Variants in FRZB observed in about 807,000 individuals in gnomAD.
FRZB encodes the protein frizzled related protein, also known as secreted frizzled-related protein 3.
FRZB carries 34 observed loss-of-function variants against 32.5 expected under a neutral mutation model. The observed-to-expected ratio is 1.05, with a 90% CI of 0.80 to 1.39. The LOEUF (loss-of-function observed/expected upper bound fraction) is 1.39, where lower values mean the gene tolerates loss of function less well. Among genes scored for constraint, FRZB ranks in the 40% most tolerant of loss-of-function variants. The pLI is 0.00. For synonymous variants in FRZB, 170 were observed against 159.2 expected, an observed-to-expected ratio of 1.07 and a Z score of -0.51; for missense variants, 423 against 424.8, an observed-to-expected ratio of 1.00 and a Z score of 0.04.
intron 1 of FRZB, among the ~76,000 whole-genome samples, chr2:182,862,975 G>T (rs1300449380): frequency 6.6e-6 from 1 of 151,966 alleles, no homozygotes; most frequent in East Asian, 1.9e-4. Flanking sequence ...TCACCATGTT[G>T]GCCAAGCTGG....
chr2:182,842,678 T>C, intron 2 of FRZB, 135 bp from the exon 3 acceptor site: 1 of 624,578 alleles, frequency 1.6e-6, no homozygotes, highest in Non-Finnish European at 2.9e-6. Context: ...TGTGTCTGAA[T>C]TTTTTCTCCT....
At chr2:182,851,916 G>A (rs1014214652) in intron 2 of FRZB, among the ~76,000 whole-genome samples, 3 of 152,110 alleles carry the variant, frequency 2.0e-5, no homozygotes, top group Non-Finnish European at 4.4e-5. Flanking sequence ...TGAGGGACAA[G>A]CAGAGAAGAA....
chr2:182,851,350 G>A (rs979949844), intron 2 of FRZB, among the ~76,000 whole-genome samples: 1 of 152,158 alleles, frequency 6.6e-6, no homozygotes, highest in Non-Finnish European at 1.5e-5. Context: ...AAAAGAGAAA[G>A]TTTTAATTAA....
intron 1 of FRZB, among the ~76,000 whole-genome samples, chr2:182,861,527 C>A (rs1695831480): frequency 6.6e-6 from 1 of 152,234 alleles, no homozygotes; most frequent in African/African-American, 2.4e-5. Context: ...TCAGTAACTT[C>A]ATATTACTAT....
At chr2:182,863,213 C>T (rs369568230) in intron 1 of FRZB, among the ~76,000 whole-genome samples, 7,879 of 152,182 alleles carry the variant, frequency 0.052, 257 homozygotes, top group Non-Finnish European at 0.075. Context: ...CTGGTCTGCC[C>T]CACTCCAAGC....
In FRZB at chr2:182,866,068, A is replaced by G. The variant is rs899880960; in HGVS notation, c.478+7T>C. On this transcript the variant is annotated splice_region_variant and intron_variant, in intron 1 of 5. Transcript: ENST00000295113. The surrounding 1 kb of genome is among the most constrained non-coding windows in gnomAD (Gnocchi z 4.5). ...GTAAGGGAAGGGTGGGCCGTGTCAA[A>G]ACTCACCAGCTCCGTCCGCAGTAAC... 1 of 1,600,194 alleles carries G rather than the reference A, an allele frequency of 6.2e-7. No homozygotes were observed. Among genetic ancestry groups the G allele is most frequent in the African/African-American group, 1.3e-5 (1 of 74,714 alleles).
At chr2:182,844,965 C>T (rs1695624377) in intron 2 of FRZB, among the ~76,000 whole-genome samples, 1 of 152,094 alleles carries the variant, frequency 6.6e-6, no homozygotes, top group Non-Finnish European at 1.5e-5. Context: ...CAATCCCTAG[C>T]TCTTGCCATA....
chr2:182,848,617 G>GAAC (rs3029493), intron 2 of FRZB, among the ~76,000 whole-genome samples: 18 of 151,870 alleles, frequency 1.2e-4, no homozygotes, highest in East Asian at 3.9e-4. Context: ...GGAAGAAAAC[G>GAAC]AACAACAACA....
rs1433993943 is a variant in FRZB at position 182,833,709 on chromosome 2, G to A, written c.*1140C>T. On this transcript the variant is annotated 3_prime_UTR_variant, in exon 6 of 6. Transcript: ENST00000295113. ...CTGACAACCATAATTCATTTTACTAGACATTTTTCGCTGAGCATTAAGCAG... is the reference window on the plus strand; with the variant it reads ...CTGACAACCATAATTCATTTTACTAAACATTTTTCGCTGAGCATTAAGCAG... The A allele has an allele frequency of 6.6e-6, 1 of 152,052 alleles. No individual in the cohort carries two copies. The highest frequency in any genetic ancestry group is 2.4e-5 in the African/African-American group (1 of 41,414). 9.4% of individuals were successfully genotyped at this position (152,052 alleles called of 1,614,324 possible). A position where few individuals can be genotyped will look rare whatever the true frequency, so the allele number is the denominator to read the frequency against.
At chr2:182,847,669 C>A (rs369614098) in intron 2 of FRZB, among the ~76,000 whole-genome samples, 7 of 152,116 alleles carry the variant, frequency 4.6e-5, no homozygotes, top group African/African-American at 1.7e-4. Flanking sequence ...TGGCTTTTAC[C>A]TTCTCATTGA....
chr2:182,847,224 C>A (rs1204799063), intron 2 of FRZB, among the ~76,000 whole-genome samples: 1 of 152,110 alleles, frequency 6.6e-6, no homozygotes, highest in Non-Finnish European at 1.5e-5. Context: ...AACTTAATGA[C>A]CTAAACTAGT....
At position 182,866,536 on chromosome 2, in the gene FRZB, G is replaced by T; in HGVS notation, c.17C>A (p.Pro6Gln). Residue 6 changes from proline to glutamine, a missense_variant, in exon 1 of 6, where the codon CCG becomes CAG. Physicochemically the swap from Pro to Gln is moderately conservative, Grantham distance 76 (BLOSUM62 -1). Coordinates refer to ENST00000295113, the MANE Select transcript of FRZB (RefSeq NM_001463.4). This position sits in a 1 kb window ranked among gnomAD's most constrained non-coding sequence, Gnocchi z 4.5. MVCGS[P>Q]GGMLLLRAGL... ...GGCCCGCAGCAGCAGCATCCCTCCCGGGCTGCCGCAGACCATGATCCCGGC... is the reference window on the plus strand; with the variant it reads ...GGCCCGCAGCAGCAGCATCCCTCCCTGGCTGCCGCAGACCATGATCCCGGC... 3 of 1,465,308 alleles carry T rather than the reference G, an allele frequency of 2.0e-6. No individual in the cohort carries two copies. Among genetic ancestry groups the T allele is most frequent in the Non-Finnish European group, 2.7e-6 (3 of 1,110,574 alleles). The allele number at this position is 1,465,308 out of a possible 1,614,324, so 90.8% of individuals were successfully genotyped here. A position where few individuals can be genotyped will look rare whatever the true frequency, so the allele number is the denominator to read the frequency against.
chr2:182,851,215 T>C (rs968274748), intron 2 of FRZB, among the ~76,000 whole-genome samples: 3 of 152,224 alleles, frequency 2.0e-5, no homozygotes, highest in Non-Finnish European at 2.9e-5. Context: ...GTGCAGAAGC[T>C]TTTTGGCAGG....
intron 1 of FRZB, 35 bp from the exon 2 acceptor site, chr2:182,858,868 T>C: frequency 6.6e-7 from 1 of 1,525,394 alleles, no homozygotes; most frequent in Non-Finnish European, 9.1e-7. Flanking sequence ...AACTATAACA[T>C]ATCTATTTCA....
intron 5 of FRZB, among the ~76,000 whole-genome samples, chr2:182,837,145 C>A (rs1286864775): frequency 1.7e-5 from 2 of 117,896 alleles, no homozygotes; most frequent in African/African-American, 3.2e-5. Context: ...CCATTCTTTT[C>A]TTTAAAACAG....
chr2:182,836,099 A>G (rs1695522143), intron 5 of FRZB, among the ~76,000 whole-genome samples: 2 of 152,234 alleles, frequency 1.3e-5, no homozygotes, highest in South Asian at 4.1e-4. Flanking sequence ...TCTTGTCTTC[A>G]TATTTTAAAA....
chr2:182,854,553 G>A (rs1267497992), intron 2 of FRZB, among the ~76,000 whole-genome samples: 1 of 152,196 alleles, frequency 6.6e-6, no homozygotes, highest in Non-Finnish European at 1.5e-5. Context: ...AACTCAAGAA[G>A]TGGAAAGGAT....
chr2:182,845,186 T>A (rs1438364492), intron 2 of FRZB, among the ~76,000 whole-genome samples: 2 of 152,162 alleles, frequency 1.3e-5, no homozygotes, highest in Non-Finnish European at 1.5e-5. Context: ...TTTACACACA[T>A]CAACGTACAC....
At chr2:182,864,768 G>A (rs1332272022) in intron 1 of FRZB, among the ~76,000 whole-genome samples, 3 of 152,106 alleles carry the variant, frequency 2.0e-5, no homozygotes, top group Non-Finnish European at 4.4e-5. Context: ...ATGGACTGGG[G>A]ACATGCGCCT....
Sources: gnomAD v4.1 joint callset for allele counts (sites outside exome capture counted in the v4.1 genomes callset) on GRCh38, gnomAD v4.1.1 for gene constraint, Gnocchi (gnomAD v3.1) non-coding constraint, MANE v1.5 for transcripts, NCBI Gene and HGNC (gene_info 2026-07-23, HGNC 2026-07-21) for gene names.